CHCHD3: variants seen among roughly 807,000 people sequenced by gnomAD.
CHCHD3 encodes coiled-coil-helix-coiled-coil-helix domain containing 3, also known as MICOS complex subunit MIC19.
CHCHD3 carries 20 observed loss-of-function variants against 38.2 expected under a neutral mutation model. The observed-to-expected ratio is 0.52, with a 90% CI of 0.37 to 0.76. The LOEUF is 0.76. CHCHD3 is among the 30% of genes least tolerant of loss of function. CHCHD3 has a pLI of 0.00. For missense variants in CHCHD3, 245 were observed against 279.2 expected (o/e 0.88, Z 0.87); for synonymous variants, 82 against 100.0 (o/e 0.82, Z 1.07).
chr7:132,802,080 C>T (rs940214086), intron 6 of CHCHD3, among the ~76,000 whole-genome samples: 6 of 152,160 alleles, frequency 3.9e-5, no homozygotes, highest in Non-Finnish European at 8.8e-5. Context: ...GCCAATAGGC[C>T]TCATACACCC....
In CHCHD3 at chr7:133,012,488, G is replaced by A. The variant is rs142811592; in HGVS notation, c.251+12058C>T. Reference sequence around the variant, plus strand: ...TATAAAACATAAATCTTCAGGCCAGGCACAGTGGCTCACGCCTGTAATCCT... The same window carrying A: ...TATAAAACATAAATCTTCAGGCCAGACACAGTGGCTCACGCCTGTAATCCT... On this transcript the variant is annotated intron_variant, in intron 3 of 7. Transcript: ENST00000262570. Among the ~76,000 whole-genome samples, 744 of 152,256 alleles carry A rather than the reference G, an allele frequency of 4.9e-3. 5 individuals are homozygous for A. The highest frequency in any genetic ancestry group is 0.017 in the African/African-American group (711 of 41,556).
chr7:132,830,272 T>C (rs1208213559), intron 6 of CHCHD3, among the ~76,000 whole-genome samples: 3 of 152,174 alleles, frequency 2.0e-5, no homozygotes, highest in Admixed American at 2.0e-4. Flanking sequence ...GACTAATTTG[T>C]TGCTTGGTGG....
intron 5 of CHCHD3, among the ~76,000 whole-genome samples, chr7:132,848,324 C>T (rs1322170365): frequency 1.1e-4 from 17 of 152,192 alleles, no homozygotes. Flanking sequence ...ATAATCCTCA[C>T]CCAGGAACTA....
At chr7:133,040,062 A>T (rs1813788650) in intron 2 of CHCHD3, among the ~76,000 whole-genome samples, 1 of 152,072 alleles carries the variant, frequency 6.6e-6, no homozygotes, top group Non-Finnish European at 1.5e-5. Flanking sequence ...CCTATATTCG[A>T]CCCCACATAT....
rs919473167 is a variant in CHCHD3, at chr7:132,806,036, G to A, written c.525-9459C>T. Among the ~76,000 whole-genome samples, 3 of 152,164 alleles carry A rather than the reference G, an allele frequency of 2.0e-5. No individual in the cohort carries two copies. In the South Asian group the frequency reaches 6.2e-4, roughly 32 times the overall value. The stretch of plus-strand genomic sequence containing the variant: ...GCAAGATGTGGTGGGGAGCATAGAG[G>A]CAAAGGGCAGAAAGGACAGCAGAAG... On this transcript the variant is annotated intron_variant, in intron 6 of 7. Transcript: ENST00000262570.
intron 6 of CHCHD3, among the ~76,000 whole-genome samples, chr7:132,832,385 G>C (rs1807673130): frequency 6.6e-6 from 1 of 152,124 alleles, no homozygotes; most frequent in South Asian, 2.1e-4. Context: ...TCATAGACTT[G>C]TACTTCTTTA....
At chr7:132,831,157 A>G (rs1410485935) in intron 6 of CHCHD3, among the ~76,000 whole-genome samples, 2 of 152,206 alleles carry the variant, frequency 1.3e-5, no homozygotes, top group Non-Finnish European at 1.5e-5. Flanking sequence ...TTATAATACA[A>G]TAACTCTAGT....
intron 5 of CHCHD3, among the ~76,000 whole-genome samples, chr7:132,854,829 C>G (rs897155992): frequency 1.3e-5 from 2 of 151,858 alleles, no homozygotes; most frequent in African/African-American, 4.8e-5. Flanking sequence ...CATTCATATT[C>G]AAAAGTCTCT....
intron 6 of CHCHD3, among the ~76,000 whole-genome samples, chr7:132,822,326 T>C (rs1807399828): frequency 6.6e-6 from 1 of 152,180 alleles, no homozygotes; most frequent in Admixed American, 6.5e-5. Context: ...AATTACAAAC[T>C]AGCAGCAAAA....
chr7:132,886,631 T>G (rs932197264), intron 4 of CHCHD3, among the ~76,000 whole-genome samples: 4 of 151,442 alleles, frequency 2.6e-5, no homozygotes, highest in African/African-American at 7.3e-5. Context: ...AGTGTGTGTG[T>G]GTATATATAT....
chr7:133,057,886 A>C (rs1186091634), intron 2 of CHCHD3, among the ~76,000 whole-genome samples: 2 of 152,170 alleles, frequency 1.3e-5, no homozygotes, highest in African/African-American at 4.8e-5. Flanking sequence ...AAGGTCAAAG[A>C]ATCATGAAAA....
At chr7:133,024,718 G>T in intron 2 of CHCHD3, 91 bp from the exon 3 acceptor site, 3 of 968,126 alleles carry the variant, frequency 3.1e-6, no homozygotes, top group South Asian at 2.6e-5. Flanking sequence ...GCTGAGACTA[G>T]ATTTGAACAG....
chr7:132,992,028 C>A (rs532769666), intron 3 of CHCHD3, among the ~76,000 whole-genome samples: 11 of 152,222 alleles, frequency 7.2e-5, no homozygotes, highest in South Asian at 6.2e-4. Context: ...GTGGAGCTGG[C>A]GGGGAAGGCA....
intron 6 of CHCHD3, among the ~76,000 whole-genome samples, chr7:132,812,206 T>TTTC (rs1807089759): frequency 8.2e-6 from 1 of 122,696 alleles, no homozygotes; most frequent in Non-Finnish European, 1.7e-5. Context: ...TTTTCTTTTT[T>TTTC]TTTTTTTTTT....
intron 5 of CHCHD3, among the ~76,000 whole-genome samples, chr7:132,872,806 C>A (rs1808797896): frequency 1.3e-5 from 2 of 152,058 alleles, no homozygotes; most frequent in Admixed American, 6.5e-5. Context: ...CACCAAAAAT[C>A]TTTTTAAAGA....
At position 132,911,892 on chromosome 7, in the gene CHCHD3, T is replaced by C. The variant is rs577154222; in HGVS notation, c.370-26147A>G. On this transcript the variant is annotated intron_variant, in intron 4 of 7. Coordinates refer to ENST00000262570, the MANE Select transcript of CHCHD3 (RefSeq NM_017812.4). ...TGAATAATTGAATACACATGCAATG[T>C]AGGTTAATAATGGAACATTAACATG... Among the ~76,000 whole-genome samples the C allele has an allele frequency of 3.3e-5, 5 of 152,366 alleles. No individual in the cohort carries two copies. In the South Asian group the frequency reaches 1.0e-3, roughly 32 times the overall value.
rs17166789 is a variant in CHCHD3 at position 132,874,747 on chromosome 7, A to C, written c.453+10915T>G. The stretch of plus-strand genomic sequence containing the variant: ...CTCCCAATTCTGAGGAGGTTGGAAT[A>C]ATGCAAGCTTGAATCAATGGACACC... On this transcript the variant is annotated intron_variant, in intron 5 of 7. Transcript: ENST00000262570. Among the ~76,000 whole-genome samples, 102 of 152,286 alleles carry C rather than the reference A, an allele frequency of 6.7e-4. 4 individuals are homozygous for C. Among genetic ancestry groups the C allele is most frequent in the Admixed American group, 4.4e-3 (68 of 15,306 alleles).
intron 6 of CHCHD3, among the ~76,000 whole-genome samples, chr7:132,814,971 GGAT>G (rs1807159827): frequency 6.6e-6 from 1 of 152,144 alleles, no homozygotes; most frequent in South Asian, 2.1e-4. Context: ...GTACTGCTCA[GGAT>G]GATAACTTTC....
At chr7:132,798,772 AT>A (rs1258936969) in intron 6 of CHCHD3, among the ~76,000 whole-genome samples, 1 of 151,988 alleles carries the variant, frequency 6.6e-6, no homozygotes, top group Non-Finnish European at 1.5e-5. Flanking sequence ...AAGACAGTTT[AT>A]TTTTTCCTTT....
Sources: allele counts gnomAD v4.1 joint callset (sites outside exome capture counted in the v4.1 genomes callset), GRCh38; gene constraint gnomAD v4.1.1; transcripts MANE v1.5; gene names NCBI Gene and HGNC (gene_info 2026-07-23, HGNC 2026-07-21).